Variants in ZFHX3 observed in about 807,000 individuals in gnomAD.
The protein encoded by ZFHX3 is zinc finger homeobox 3.
ZFHX3 carries 42 observed loss-of-function variants against 279.1 expected under a neutral mutation model. That is an observed-to-expected ratio of 0.15 (90% CI 0.12 to 0.19). ZFHX3 has a LOEUF of 0.19. Among genes scored for constraint, ZFHX3 ranks in the 10% least tolerant of loss-of-function variants. The pLI is 1.00. For missense variants in ZFHX3, 4,981 were observed against 4,754.0 expected (o/e 1.05, Z -1.40); for synonymous variants, 2,293 against 1,957.8 (o/e 1.17, Z -4.52).
chr16:72,875,560 A>G (rs1249955083), intron 4 of ZFHX3, among the ~76,000 whole-genome samples: 3 of 152,252 alleles, frequency 2.0e-5, no homozygotes, highest in African/African-American at 7.2e-5. Flanking sequence ...CTGGAGTTGC[A>G]GCTTTCACTA....
chr16:73,521,341 G>A (rs1338080813), intron 2 of ZFHX3, among the ~76,000 whole-genome samples: 1 of 152,206 alleles, frequency 6.6e-6, no homozygotes, highest in African/African-American at 2.4e-5. Flanking sequence ...TAATAAGCTT[G>A]AGGAATATGA....
chr16:73,373,787 G>A (rs1249164685), intron 3 of ZFHX3, among the ~76,000 whole-genome samples: 2 of 152,010 alleles, frequency 1.3e-5, no homozygotes, highest in Admixed American at 6.6e-5. Flanking sequence ...TTACTATGAT[G>A]TATGATTTCC....
chr16:73,103,837 A>T (rs758088761), intron 7 of ZFHX3, among the ~76,000 whole-genome samples: 2 of 152,140 alleles, frequency 1.3e-5, no homozygotes, highest in Non-Finnish European at 2.9e-5. Flanking sequence ...TACATAGATC[A>T]TCATCTTCCT....
chr16:73,633,184 C>T (rs762616601), intron 2 of ZFHX3, among the ~76,000 whole-genome samples: 1 of 152,156 alleles, frequency 6.6e-6, no homozygotes, highest in Non-Finnish European at 1.5e-5. Flanking sequence ...TGTTTTCCAC[C>T]TAAATGGCTA....
intron 1 of ZFHX3, among the ~76,000 whole-genome samples, chr16:73,708,132 G>A (rs551536536): frequency 6.6e-6 from 1 of 152,194 alleles, no homozygotes; most frequent in East Asian, 1.9e-4. Flanking sequence ...GGTTGTGCAT[G>A]AGATTTGTAA....
chr16:73,628,940 A>T (rs2052442826), intron 2 of ZFHX3, among the ~76,000 whole-genome samples: 1 of 152,172 alleles, frequency 6.6e-6, no homozygotes, highest in African/African-American at 2.4e-5. Context: ...TGCACCAGGC[A>T]GGCCCTTGGA....
chr16:73,228,568 T>G (rs2012675470), intron 5 of ZFHX3, among the ~76,000 whole-genome samples: 3 of 151,958 alleles, frequency 2.0e-5, no homozygotes. Flanking sequence ...GAGGCTGAGG[T>G]GGGAGGATTG....
At chr16:72,889,655 A>C (rs1463844481) in intron 4 of ZFHX3, 76 bp downstream of exon 4, 4 of 1,410,352 alleles carry the variant, frequency 2.8e-6, no homozygotes, top group Non-Finnish European at 3.9e-6. Flanking sequence ...TCCCTCAAAC[A>C]GAAGTCCTCT....
chr16:73,215,163 T>C (rs1404338085), intron 5 of ZFHX3, among the ~76,000 whole-genome samples: 2 of 152,210 alleles, frequency 1.3e-5, no homozygotes, highest in African/African-American at 4.8e-5. Context: ...GTATGTGATG[T>C]GACAGCATCT....
In ZFHX3 at chr16:73,784,786, T is replaced by C. The variant is rs59004706; in HGVS notation, c.-1607-104546A>G. On this transcript the variant is annotated intron_variant, in intron 1 of 17. Transcript: ENST00000641206. ...TTTTAAAAAACTATTTTTAACAAAA[T>C]AAAAAAAAAAATATATATATATATA... 8.8e-3 allele frequency among the ~76,000 whole-genome samples: 1,178 copies of C among 133,794 alleles called. 23 individuals are homozygous for C. Among genetic ancestry groups the C allele is most frequent in the African/African-American group, 0.033 (1,114 of 33,926 alleles). 87.8% of individuals were successfully genotyped at this position (133,794 alleles called of 152,430 possible).
intron 5 of ZFHX3, among the ~76,000 whole-genome samples, chr16:72,827,001 T>C (rs1054165171): frequency 2.0e-5 from 3 of 152,118 alleles, no homozygotes; most frequent in African/African-American, 4.8e-5. Context: ...CCTAAACTGG[T>C]TGGAAGGATT....
chr16:73,677,234 C>CAG (rs72526020), intron 2 of ZFHX3, among the ~76,000 whole-genome samples: 138,973 of 151,804 alleles, frequency 0.92, 63,700 homozygotes, highest in East Asian at 0.98. Context: ...TTAATAATAA[C>CAG]ATGATGTCAT....
intron 1 of ZFHX3, among the ~76,000 whole-genome samples, chr16:72,966,148 G>A (rs1961825665): frequency 6.6e-6 from 1 of 152,072 alleles, no homozygotes; most frequent in Non-Finnish European, 1.5e-5. Flanking sequence ...GTCCCTATTT[G>A]GCTGACTGAA....
At chr16:73,431,549 A>T (rs1415439593) in intron 3 of ZFHX3, among the ~76,000 whole-genome samples, 1 of 152,112 alleles carries the variant, frequency 6.6e-6, no homozygotes, top group Non-Finnish European at 1.5e-5. Context: ...TCAAGAAAAA[A>T]CAGTCTTCTG....
At chr16:73,412,048 C>G (rs1232807521) in intron 3 of ZFHX3, among the ~76,000 whole-genome samples, 1 of 152,132 alleles carries the variant, frequency 6.6e-6, no homozygotes, top group African/African-American at 2.4e-5. Context: ...AAATATCAGC[C>G]AGGATCTGTG....
intron 4 of ZFHX3, among the ~76,000 whole-genome samples, chr16:72,859,041 C>T (rs774100939): frequency 2.6e-5 from 4 of 152,262 alleles, no homozygotes; most frequent in Admixed American, 6.5e-5. Flanking sequence ...AGGCTCCCTC[C>T]ACACCCTCTG....
intron 2 of ZFHX3, among the ~76,000 whole-genome samples, chr16:73,534,026 G>A (rs1489908813): frequency 6.6e-6 from 1 of 152,138 alleles, no homozygotes. Context: ...ACCCAGGTGA[G>A]ATCATGTTAC....
At chr16:73,468,960 A>G (rs914662200) in intron 2 of ZFHX3, among the ~76,000 whole-genome samples, 16 of 152,222 alleles carry the variant, frequency 1.1e-4, no homozygotes, top group Non-Finnish European at 2.2e-4. Context: ...AAGCTGTGTG[A>G]TAAGTGCTTT....
chr16:72,836,578 C>T (rs1160982049), intron 4 of ZFHX3, among the ~76,000 whole-genome samples: 1 of 152,136 alleles, frequency 6.6e-6, no homozygotes, highest in Non-Finnish European at 1.5e-5. Context: ...AAGGTGACTG[C>T]ATGTTCTCAT....
Sources: gnomAD v4.1 joint callset for allele counts (sites outside exome capture counted in the v4.1 genomes callset) on GRCh38, gnomAD v4.1.1 for gene constraint, MANE v1.5 for transcripts, NCBI Gene and HGNC (gene_info 2026-07-23, HGNC 2026-07-21) for gene names.